Variants in NTM observed in about 807,000 individuals in gnomAD.
NTM encodes IgLON family member 2.
NTM carries 13 observed loss-of-function variants against 42.1 expected under a neutral mutation model. That is an observed-to-expected ratio of 0.31 (90% confidence interval 0.20 to 0.49). NTM has a LOEUF of 0.49. Among genes scored for constraint, NTM ranks in the 20% least tolerant of loss-of-function variants. The probability of loss-of-function intolerance (pLI) is 0.99; values close to 1 mark genes in which losing one functional copy is unlikely to be tolerated. For synonymous variants in NTM, 187 were observed against 179.2 expected (o/e 1.04, Z -0.35); for missense variants, 373 against 452.8 (o/e 0.82, Z 1.60).
At chr11:131,637,643 T>C (rs2064573726) in intron 1 of NTM, among the ~76,000 whole-genome samples, 1 of 151,806 alleles carries the variant, frequency 6.6e-6, no homozygotes, top group Non-Finnish European at 1.5e-5. Context: ...AGGGTAGTAA[T>C]TATCTGCTCA....
chr11:131,852,062 G>A (rs973069619), intron 1 of NTM, among the ~76,000 whole-genome samples: 5 of 152,090 alleles, frequency 3.3e-5, no homozygotes, highest in Admixed American at 6.6e-5. Context: ...TTGATGTTCC[G>A]AATAGAGAGA....
At chr11:131,500,544 T>TAC (rs2046614334) in intron 1 of NTM, among the ~76,000 whole-genome samples, 1 of 6,830 alleles carries the variant, frequency 1.5e-4, no homozygotes, top group South Asian at 8.6e-3. Context: ...TTATTTATTA[T>TAC]ATATATATAT....
intron 2 of NTM, among the ~76,000 whole-genome samples, chr11:132,119,571 C>A (rs532685880): frequency 6.6e-6 from 1 of 152,192 alleles, no homozygotes; most frequent in Non-Finnish European, 1.5e-5. Context: ...TCAATCAGGA[C>A]GGGAAGCAGC....
At position 131,664,964 on chromosome 11, in the gene NTM, G is replaced by A. The variant is rs374505989; in HGVS notation, c.83-246600G>A. On this transcript the variant is annotated intron_variant, in intron 1 of 8. Coordinates refer to ENST00000683400, the MANE Select transcript of NTM (RefSeq NM_001352005.2). The stretch of plus-strand genomic sequence containing the variant: ...TGAACTCCTGGAGCCCATATCCTCC[G>A]CGCTTCTGCTGGGCACCAGAGGCAG... Among the ~76,000 whole-genome samples the A allele has an allele frequency of 2.4e-3, 371 of 152,080 alleles. 1 individual carries two copies. The highest frequency in any genetic ancestry group is 2.6e-3 in the Non-Finnish European group (179 of 67,994).
At chr11:132,302,655 C>G (rs2094910061) in intron 4 of NTM, among the ~76,000 whole-genome samples, 1 of 152,118 alleles carries the variant, frequency 6.6e-6, no homozygotes, top group African/African-American at 2.4e-5. Flanking sequence ...CCAGAGATGT[C>G]CAAGAACCTG....
chr11:131,873,991 T>C (rs1407578416), intron 1 of NTM, among the ~76,000 whole-genome samples: 2 of 124,570 alleles, frequency 1.6e-5, no homozygotes, highest in Admixed American at 1.1e-4. Context: ...ATATTATATA[T>C]ATTATATTTA....
chr11:131,403,190 G>T (rs1004597763), intron 1 of NTM, among the ~76,000 whole-genome samples: 5 of 152,302 alleles, frequency 3.3e-5, no homozygotes, highest in Non-Finnish European at 4.4e-5. Flanking sequence ...TTTGCTGGAG[G>T]TGTCCCTAGT....
chr11:131,475,055 C>T (rs892767273), intron 1 of NTM, among the ~76,000 whole-genome samples: 2 of 152,198 alleles, frequency 1.3e-5, no homozygotes, highest in African/African-American at 4.8e-5. Flanking sequence ...TAGCTGTCTG[C>T]TCAGAGTGTT....
At chr11:132,022,974 G>A (rs955758324) in intron 2 of NTM, among the ~76,000 whole-genome samples, 2 of 152,168 alleles carry the variant, frequency 1.3e-5, no homozygotes, top group Non-Finnish European at 2.9e-5. Context: ...ATAGGGCCAC[G>A]TTGGCTAATC....
At chr11:131,838,786 A>G (rs2043845944) in intron 1 of NTM, among the ~76,000 whole-genome samples, 1 of 152,274 alleles carries the variant, frequency 6.6e-6, no homozygotes, top group South Asian at 2.1e-4. Context: ...ACAAAAAAAC[A>G]TTCCATCATT....
chr11:131,531,314 G>C (rs562442833), intron 1 of NTM, among the ~76,000 whole-genome samples: 8 of 151,898 alleles, frequency 5.3e-5, no homozygotes, highest in African/African-American at 7.3e-5. Flanking sequence ...AATTTTTTTT[G>C]GGGGGGAGGT....
chr11:131,849,857 A>G (rs998594200), intron 1 of NTM, among the ~76,000 whole-genome samples: 3 of 150,936 alleles, frequency 2.0e-5, no homozygotes, highest in Non-Finnish European at 3.0e-5. Flanking sequence ...GCATTAGGAG[A>G]TATACCTAAT....
chr11:132,075,856 G>A (rs1406550628), intron 2 of NTM, among the ~76,000 whole-genome samples: 1 of 152,132 alleles, frequency 6.6e-6, no homozygotes, highest in East Asian at 1.9e-4. Context: ...GTCTTAATCT[G>A]TCTCTCAGAA....
chr11:132,176,723 T>TTTTTTG (rs2076874770), intron 3 of NTM, among the ~76,000 whole-genome samples: 2 of 29,190 alleles, frequency 6.9e-5, no homozygotes, highest in South Asian at 1.3e-3. Context: ...ATGCCTAAAG[T>TTTTTTG]TTTTTTTTTT....
At chr11:132,184,642 G>A (rs964731462) in intron 3 of NTM, among the ~76,000 whole-genome samples, 6 of 152,150 alleles carry the variant, frequency 3.9e-5, no homozygotes, top group Non-Finnish European at 8.8e-5. Flanking sequence ...GACCTGGAAG[G>A]AAAGACCAGA....
intron 2 of NTM, among the ~76,000 whole-genome samples, chr11:132,115,865 G>C (rs536244347): frequency 6.6e-6 from 1 of 152,308 alleles, no homozygotes; most frequent in South Asian, 2.1e-4. Context: ...TCTTTCATCA[G>C]CTCTCAACCT....
intron 1 of NTM, among the ~76,000 whole-genome samples, chr11:131,575,757 C>T (rs1233146226): frequency 6.6e-6 from 1 of 152,200 alleles, no homozygotes; most frequent in Non-Finnish European, 1.5e-5. Context: ...AAAAAGACTT[C>T]GAAGTGCAGA....
chr11:132,316,620 G>A (rs1189873949), intron 7 of NTM, among the ~76,000 whole-genome samples: 1 of 152,180 alleles, frequency 6.6e-6, no homozygotes, highest in East Asian at 1.9e-4. Flanking sequence ...GGGAGAAAAA[G>A]TTTGCAGGAT....
intron 2 of NTM, among the ~76,000 whole-genome samples, chr11:131,985,900 G>T (rs529973950): frequency 1.3e-5 from 2 of 152,296 alleles, no homozygotes; most frequent in East Asian, 3.9e-4. Flanking sequence ...TCAGGACACA[G>T]CACATAGTGA....
Sources: allele counts gnomAD v4.1 joint callset (sites outside exome capture counted in the v4.1 genomes callset), GRCh38; gene constraint gnomAD v4.1.1; transcripts MANE v1.5; gene names NCBI Gene and HGNC (gene_info 2026-07-23, HGNC 2026-07-21).